The following MEGF9 variants were observed in gnomAD, a reference collection of about 807,000 sequenced individuals.
MEGF9 encodes multiple EGF like domains 9.
Under a neutral mutation model 46.8 loss-of-function variants are expected in MEGF9, and 6 were observed. The observed-to-expected ratio is 0.13, with a 90% CI of 0.07 to 0.25. MEGF9 has a LOEUF of 0.25. Ranked by LOEUF, MEGF9 falls within the 10% of genes least tolerant of loss-of-function variation. The pLI is 1.00. For synonymous variants in MEGF9, 302 were observed against 330.7 expected (o/e 0.91, Z 0.94); for missense variants, 683 against 792.4 (o/e 0.86, Z 1.66).
rs1450854074 is a variant in MEGF9 at position 120,601,262 on chromosome 9, TA to T, written c.*3927del. 1.3e-5 allele frequency: 2 copies of T among 152,206 alleles called. No homozygotes were observed. Among genetic ancestry groups the T allele is most frequent in the African/African-American group, 4.8e-5 (2 of 41,448 alleles). The allele number at this position is 152,206 out of a possible 1,614,324, so 9.4% of individuals were successfully genotyped here. A position where few individuals can be genotyped will look rare whatever the true frequency, so the allele number is the denominator to read the frequency against. On this transcript the variant is annotated 3_prime_UTR_variant, in exon 6 of 6. Transcript: ENST00000373930. ...CTAGGGCTGCTGCTGCAGTAACAAGTAACAATTCCTACCCACATAGCCCAAA... is the reference window on the plus strand; with the variant it reads ...CTAGGGCTGCTGCTGCAGTAACAAGTACAATTCCTACCCACATAGCCCAAA...
chr9:120,619,982 G>A (rs1414475258), intron 3 of MEGF9, among the ~76,000 whole-genome samples: 1 of 152,180 alleles, frequency 6.6e-6, no homozygotes, highest in Non-Finnish European at 1.5e-5. Flanking sequence ...CTTGACGAGA[G>A]TGGTTTTATA....
intron 2 of MEGF9, among the ~76,000 whole-genome samples, chr9:120,627,710 G>A (rs568925761): frequency 1.1e-4 from 17 of 152,260 alleles, no homozygotes; most frequent in Middle Eastern, 3.4e-3. Flanking sequence ...TGATCCACCC[G>A]CCTGGGCTTC....
intron 1 of MEGF9, among the ~76,000 whole-genome samples, chr9:120,662,662 G>T (rs561288517): frequency 4.6e-5 from 7 of 152,338 alleles, no homozygotes; most frequent in South Asian, 2.1e-4. Flanking sequence ...AGCTGGAAGT[G>T]CTTTGGAGTA....
chr9:120,615,617 C>A (rs1408762369), intron 3 of MEGF9, among the ~76,000 whole-genome samples: 1 of 151,530 alleles, frequency 6.6e-6, no homozygotes, highest in African/African-American at 2.4e-5. Context: ...AAATTTAGCC[C>A]AACACAGTGG....
intron 1 of MEGF9, among the ~76,000 whole-genome samples, chr9:120,707,457 ATG>A (rs1399877305): frequency 1.3e-5 from 2 of 152,244 alleles, no homozygotes; most frequent in African/African-American, 4.8e-5. Context: ...AGATATCTTA[ATG>A]TGTTTGATTA....
intron 2 of MEGF9, among the ~76,000 whole-genome samples, chr9:120,633,969 T>C (rs184831135): frequency 4.2e-4 from 64 of 152,350 alleles, no homozygotes; most frequent in Middle Eastern, 3.4e-3. Flanking sequence ...ATTAATTCTT[T>C]TAAATTTGTT....
intron 2 of MEGF9, among the ~76,000 whole-genome samples, chr9:120,649,769 T>C (rs1009213745): frequency 6.6e-6 from 1 of 152,226 alleles, no homozygotes; most frequent in Non-Finnish European, 1.5e-5. Context: ...TTATATCCAT[T>C]AGCCTACGGT....
chr9:120,683,036 A>G (rs2043805541), intron 1 of MEGF9, among the ~76,000 whole-genome samples: 1 of 152,216 alleles, frequency 6.6e-6, no homozygotes, highest in Non-Finnish European at 1.5e-5. Flanking sequence ...AGCAAAGACT[A>G]ATAGGGAGGA....
At chr9:120,618,750 T>C (rs1179271634) in intron 3 of MEGF9, among the ~76,000 whole-genome samples, 1 of 151,658 alleles carries the variant, frequency 6.6e-6, no homozygotes, top group Admixed American at 6.6e-5. Flanking sequence ...ATACAAAAAT[T>C]AGCTGGGCGT....
intron 1 of MEGF9, among the ~76,000 whole-genome samples, chr9:120,707,943 G>A (rs1046231530): frequency 2.6e-5 from 4 of 152,194 alleles, no homozygotes; most frequent in African/African-American, 4.8e-5. Context: ...TACTAGGGAG[G>A]CTGAAGCAGG....
intron 2 of MEGF9, among the ~76,000 whole-genome samples, chr9:120,639,576 C>A (rs1034901971): frequency 6.6e-6 from 1 of 150,964 alleles, no homozygotes; most frequent in Non-Finnish European, 1.5e-5. Flanking sequence ...AAAATCCTGG[C>A]CACTAGTCAT....
At chr9:120,612,865 T>C (rs1369726497) in intron 3 of MEGF9, among the ~76,000 whole-genome samples, 1 of 148,674 alleles carries the variant, frequency 6.7e-6, no homozygotes, top group Non-Finnish European at 1.5e-5. Context: ...AATAGAAGAA[T>C]AGATAAATTG....
At chr9:120,620,814 G>A (rs2043496150) in intron 3 of MEGF9, among the ~76,000 whole-genome samples, 2 of 150,194 alleles carry the variant, frequency 1.3e-5, no homozygotes, top group Admixed American at 6.6e-5. Flanking sequence ...AACGCCACAA[G>A]ATAAAACTGG....
intron 1 of MEGF9, among the ~76,000 whole-genome samples, chr9:120,665,992 A>T (rs1301829800): frequency 2.0e-5 from 3 of 152,118 alleles, no homozygotes; most frequent in Non-Finnish European, 2.9e-5. Context: ...TGTTTTGGTT[A>T]CTATAGTTTT....
At chr9:120,664,665 A>G (rs2043717132) in intron 1 of MEGF9, among the ~76,000 whole-genome samples, 1 of 152,214 alleles carries the variant, frequency 6.6e-6, no homozygotes, top group Admixed American at 6.5e-5. Flanking sequence ...TGGTTCAGAA[A>G]GACTGCCTGA....
intron 1 of MEGF9, among the ~76,000 whole-genome samples, chr9:120,687,065 C>T (rs1293282932): frequency 6.6e-6 from 1 of 151,214 alleles, no homozygotes; most frequent in Non-Finnish European, 1.5e-5. Flanking sequence ...GCTTTCCCTC[C>T]AAAAAAAATA....
Position 120,631,140 on chromosome 9 carries a change from G to A in MEGF9, c.804-8385C>T, listed in dbSNP as rs535939721. Among the ~76,000 whole-genome samples the A allele has an allele frequency of 5.3e-5, 8 of 152,160 alleles. No individual in the cohort carries two copies. The South Asian group carries it at 1.7e-3, about 32-fold the overall frequency. On this transcript the variant is annotated intron_variant, in intron 2 of 5. Transcript: ENST00000373930. ...TTGCATTTAGTTCTTTAGTCAATTT[G>A]GAAACGATTTTTGTATATGGTGAGA...
chr9:120,672,479 G>A (rs538525916), intron 1 of MEGF9, among the ~76,000 whole-genome samples: 1 of 146,064 alleles, frequency 6.8e-6, no homozygotes, highest in Non-Finnish European at 1.5e-5. Flanking sequence ...TAAAAAGCCA[G>A]GAATGGTGGC....
intron 1 of MEGF9, among the ~76,000 whole-genome samples, chr9:120,665,604 A>G (rs1225722425): frequency 6.6e-6 from 1 of 152,176 alleles, no homozygotes; most frequent in Non-Finnish European, 1.5e-5. Context: ...TTTACTTAAC[A>G]TAACCTCCAG....
Sources: gnomAD v4.1 joint callset for allele counts (sites outside exome capture counted in the v4.1 genomes callset) on GRCh38, gnomAD v4.1.1 for gene constraint, MANE v1.5 for transcripts, NCBI Gene and HGNC (gene_info 2026-07-23, HGNC 2026-07-21) for gene names.